The following ZSCAN4 variants were observed in gnomAD, a reference collection of about 807,000 sequenced individuals.
ZSCAN4 encodes the protein zinc finger and SCAN domain-containing protein 4.
In ZSCAN4, 18 loss-of-function variants were observed where a neutral mutation model predicts 18.3. That is an observed-to-expected ratio of 0.98 (90% confidence interval 0.68 to 1.46). The LOEUF (loss-of-function observed/expected upper bound fraction) is 1.46. ZSCAN4 is among the 40% of genes most tolerant of loss of function. ZSCAN4 has a pLI of 0.00. For synonymous variants in ZSCAN4, 193 were observed against 180.3 expected, an observed-to-expected ratio of 1.07 and a Z score of -0.57; for missense variants, 498 against 511.4, an observed-to-expected ratio of 0.97 and a Z score of 0.25.
the ZSCAN4 span, among the ~76,000 whole-genome samples, chr19:57,656,191 A>C: frequency 6.6e-6 from 1 of 152,146 alleles, no homozygotes; most frequent in Non-Finnish European, 1.5e-5. Flanking sequence ...TGCAATGGAC[A>C]CCAGAGAGCT....
chr19:57,672,003 A>C (rs148025741), intron 2 of ZSCAN4, among the ~76,000 whole-genome samples: 6 of 152,288 alleles, frequency 3.9e-5, no homozygotes, highest in African/African-American at 1.2e-4. Context: ...ATAAAATTGG[A>C]GAAAAAACAC....
At chr19:57,673,042 ATTAAT>A (rs1984070465) in intron 2 of ZSCAN4, among the ~76,000 whole-genome samples, 1 of 151,632 alleles carries the variant, frequency 6.6e-6, no homozygotes, top group South Asian at 2.1e-4. Context: ...CATTTAATTA[ATTAAT>A]TTATTTATTT....
chr19:57,657,065 G>C, the ZSCAN4 span, among the ~76,000 whole-genome samples: 1 of 152,220 alleles, frequency 6.6e-6, no homozygotes, highest in South Asian at 2.1e-4. Context: ...GGCCAACATG[G>C]TGAAACCTCG....
chr19:57,655,465 C>G, the ZSCAN4 span, among the ~76,000 whole-genome samples: 1 of 152,190 alleles, frequency 6.6e-6, no homozygotes, highest in African/African-American at 2.4e-5. Context: ...GTATATCTCT[C>G]AAAACAACTG....
At chr19:57,652,882 C>T in the ZSCAN4 span, among the ~76,000 whole-genome samples, 1 of 152,124 alleles carries the variant, frequency 6.6e-6, no homozygotes, top group South Asian at 2.1e-4. Flanking sequence ...AATCTTATGA[C>T]CTAATCTGGC....
exon 1 of ZSCAN4, chr19:57,669,058 C>CTTCTTTTTTTTTTTTTTTTTTT (rs1555807412): frequency 1.5e-5 from 1 of 68,602 alleles, no homozygotes. Flanking sequence ...TTATATTTTC[C>CTTCTTTTTTTTTTTTTTTTTTT]TTTTTTTTTT....
chr19:57,653,255 T>C, the ZSCAN4 span, among the ~76,000 whole-genome samples: 1 of 152,084 alleles, frequency 6.6e-6, no homozygotes, highest in Non-Finnish European at 1.5e-5. Flanking sequence ...GGCATGGTGG[T>C]ACGCCTCTGT....
At position 57,677,127 on chromosome 19, in the gene ZSCAN4, C is replaced by G. The variant is rs1054266450; in HGVS notation, c.396+586C>G. On this transcript the variant is annotated intron_variant, in intron 3 of 4. Coordinates refer to ENST00000318203, the Ensembl canonical transcript of ZSCAN4. ...TGAGGAAGAAATGTCTTGACAAGAG[C>G]TTGTTCTTCTGTCAGGGAACTCTAA... is the stretch of plus-strand genomic sequence containing the variant. Among the ~76,000 whole-genome samples, 5 of 152,310 alleles carry G rather than the reference C, an allele frequency of 3.3e-5. No homozygotes were observed. The South Asian group carries it at 1.0e-3, about 32-fold the overall frequency.
exon 5 of ZSCAN4, chr19:57,678,676 A>G: frequency 1.2e-6 from 2 of 1,614,174 alleles, no homozygotes; most frequent in Non-Finnish European, 1.7e-6. Flanking sequence ...CTACGGGTGC[A>G]TCAGATAATT....
At chr19:57,662,662 G>C in the ZSCAN4 span, among the ~76,000 whole-genome samples, 3 of 152,068 alleles carry the variant, frequency 2.0e-5, no homozygotes, top group Admixed American at 2.0e-4. Context: ...CCTGGTTCAA[G>C]TGATTCTCCT....
the ZSCAN4 span, among the ~76,000 whole-genome samples, chr19:57,658,336 C>A: frequency 6.6e-6 from 1 of 152,030 alleles, no homozygotes; most frequent in Non-Finnish European, 1.5e-5. Context: ...GAGGAAGGGG[C>A]GGACTGCAAA....
the ZSCAN4 span, among the ~76,000 whole-genome samples, chr19:57,663,486 G>A: frequency 4.6e-5 from 6 of 131,288 alleles, no homozygotes; most frequent in South Asian, 1.5e-3. Context: ...AGGAGTTCGA[G>A]GCCAGTCTGC....
At chr19:57,671,385 T>G (rs553624367) in intron 2 of ZSCAN4, among the ~76,000 whole-genome samples, 1 of 151,582 alleles carries the variant, frequency 6.6e-6, no homozygotes, top group Non-Finnish European at 1.5e-5. Flanking sequence ...ACGGAGTGCA[T>G]GTCTCCAAGT....
At chr19:57,663,067 C>G in the ZSCAN4 span, among the ~76,000 whole-genome samples, 3 of 150,040 alleles carry the variant, frequency 2.0e-5, no homozygotes, top group Non-Finnish European at 4.4e-5. Context: ...CCACTTCCAG[C>G]TAATTTTTGT....
intron 2 of ZSCAN4, among the ~76,000 whole-genome samples, chr19:57,671,852 C>T (rs1210155654): frequency 6.6e-6 from 1 of 152,208 alleles, no homozygotes; most frequent in Non-Finnish European, 1.5e-5. Context: ...ATGAGATTAA[C>T]ACAAAGCAGG....
At chr19:57,654,934 C>T in the ZSCAN4 span, among the ~76,000 whole-genome samples, 1 of 152,194 alleles carries the variant, frequency 6.6e-6, no homozygotes, top group African/African-American at 2.4e-5. Flanking sequence ...CTAGCACCCT[C>T]CTCCAATACA....
chr19:57,652,825 T>G, the ZSCAN4 span, among the ~76,000 whole-genome samples: 3 of 152,198 alleles, frequency 2.0e-5, no homozygotes, highest in Admixed American at 6.5e-5. Context: ...TCAGCTCTTT[T>G]TCCACAGACC....
chr19:57,669,630 T>C (rs1697075331), intron 1 of ZSCAN4, among the ~76,000 whole-genome samples: 5 of 151,910 alleles, frequency 3.3e-5, no homozygotes, highest in Admixed American at 3.3e-4. Context: ...TTTCACCATA[T>C]TGGCCAGGCT....
chr19:57,662,099 AG>A, the ZSCAN4 span, among the ~76,000 whole-genome samples: 1 of 151,846 alleles, frequency 6.6e-6, no homozygotes, highest in Non-Finnish European at 1.5e-5. Flanking sequence ...AAAAAGGAAA[AG>A]AAAAAAAGAA....
Sources: allele counts gnomAD v4.1 joint callset (sites outside exome capture counted in the v4.1 genomes callset), GRCh38; gene constraint gnomAD v4.1.1; transcripts MANE v1.5; gene names NCBI Gene and HGNC (gene_info 2026-07-23, HGNC 2026-07-21).